Variants in KAZN observed in about 807,000 individuals in gnomAD.
KAZN encodes kazrin.
KAZN carries 40 observed loss-of-function variants against 87.4 expected under a neutral mutation model. That is an observed-to-expected ratio of 0.46 (90% CI 0.36 to 0.60). KAZN has a LOEUF of 0.60. Ranked by LOEUF, KAZN falls within the 20% of genes least tolerant of loss-of-function variation. The pLI, the probability that KAZN is intolerant of heterozygous loss-of-function variation, is 0.00. For missense variants in KAZN, 898 were observed against 1,073.9 expected (o/e 0.84, Z 2.29); for synonymous variants, 466 against 458.3 (o/e 1.02, Z -0.22).
intron 2 of KAZN, among the ~76,000 whole-genome samples, chr1:14,269,013 G>A (rs978274306): frequency 6.6e-6 from 1 of 152,140 alleles, no homozygotes; most frequent in Non-Finnish European, 1.5e-5. Context: ...ATTTGCTACC[G>A]GAGCTAACTC....
intron 2 of KAZN, among the ~76,000 whole-genome samples, chr1:14,301,813 C>T (rs1209278477): frequency 1.3e-5 from 2 of 152,216 alleles, no homozygotes; most frequent in Non-Finnish European, 2.9e-5. Context: ...CCATTCTCAT[C>T]TTCCAGGTCT....
At chr1:14,586,789 C>T (rs565604294) in intron 2 of KAZN, among the ~76,000 whole-genome samples, 2 of 152,214 alleles carry the variant, frequency 1.3e-5, no homozygotes, top group African/African-American at 4.8e-5. Flanking sequence ...ATCCTCGTAC[C>T]TTGGCCTCTC....
intron 1 of KAZN, among the ~76,000 whole-genome samples, chr1:14,770,464 G>A (rs1490490002): frequency 1.3e-5 from 2 of 152,150 alleles, no homozygotes; most frequent in Non-Finnish European, 2.9e-5. Flanking sequence ...CAAGGGGGAT[G>A]GCTGTTTCGA....
intron 1 of KAZN, among the ~76,000 whole-genome samples, chr1:14,857,466 G>T (rs1181746071): frequency 1.3e-5 from 2 of 152,144 alleles, no homozygotes; most frequent in Admixed American, 6.5e-5. Context: ...CCAGGAGGTT[G>T]AGGGTGCAGT....
intron 2 of KAZN, among the ~76,000 whole-genome samples, chr1:14,373,198 AATATATATATAT>A (rs58491688): frequency 0.024 from 3,654 of 149,226 alleles, 150 homozygotes; most frequent in African/African-American, 0.084. Context: ...TGAAAAACTG[AATATATATATAT>A]ATATATATAT....
chr1:14,771,645 G>T (rs1645022167), intron 1 of KAZN, among the ~76,000 whole-genome samples: 1 of 152,052 alleles, frequency 6.6e-6, no homozygotes, highest in Non-Finnish European at 1.5e-5. Flanking sequence ...GACCAACATG[G>T]TGAAACCCCG....
rs1309641027 is a variant in KAZN, at chr1:14,195,680, A to G, written c.249+15088A>G. 2.0e-5 allele frequency among the ~76,000 whole-genome samples: 3 copies of G among 152,176 alleles called. No individual in the cohort carries two copies. The East Asian group carries it at 5.8e-4, about 29-fold the overall frequency. ...CAGGATTTTTAAATAAGTATAATTAATATCCTCGGAGAAATAAGAAAATGT... is the reference window on the plus strand; with the variant it reads ...CAGGATTTTTAAATAAGTATAATTAGTATCCTCGGAGAAATAAGAAAATGT... On this transcript the variant is annotated intron_variant, in intron 2 of 16. Transcript: ENST00000636203.
chr1:14,325,570 CA>C (rs1484175887), intron 2 of KAZN, among the ~76,000 whole-genome samples: 1 of 151,690 alleles, frequency 6.6e-6, no homozygotes, highest in African/African-American at 2.4e-5. Flanking sequence ...AAAGAATATT[CA>C]AAAAAATGGT....
At chr1:14,510,217 A>G (rs1371056640) in intron 2 of KAZN, among the ~76,000 whole-genome samples, 2 of 152,154 alleles carry the variant, frequency 1.3e-5, no homozygotes, top group African/African-American at 4.8e-5. Flanking sequence ...TGTCTCTACT[A>G]AAAATACAAA....
chr1:14,419,881 T>C (rs914988052), intron 2 of KAZN, among the ~76,000 whole-genome samples: 27 of 152,014 alleles, frequency 1.8e-4, no homozygotes, highest in African/African-American at 7.3e-5. Context: ...GCACAGACAG[T>C]GAGACCCCAA....
Position 14,949,622 on chromosome 1 carries a change from G to C in KAZN, c.227-11062G>C, listed in dbSNP as rs955637381. On this transcript the variant is annotated intron_variant, in intron 1 of 14. Coordinates refer to ENST00000376030, the MANE Select transcript of KAZN (RefSeq NM_201628.3). This position sits in a 1 kb window ranked among gnomAD's most constrained non-coding sequence, Gnocchi z 4.3. ...GATTTTTGTAGCCTCTGCCATGAAGGTGTTACCCAAACCTCCGGCAGACCC... is the reference window on the plus strand; with the variant it reads ...GATTTTTGTAGCCTCTGCCATGAAGCTGTTACCCAAACCTCCGGCAGACCC... Among the ~76,000 whole-genome samples the C allele has an allele frequency of 2.0e-5, 3 of 152,216 alleles. No homozygotes were observed. The highest frequency in any genetic ancestry group is 4.4e-5 in the Non-Finnish European group (3 of 68,046).
At chr1:14,163,279 C>T (rs1005358740) in intron 1 of KAZN, among the ~76,000 whole-genome samples, 1 of 152,166 alleles carries the variant, frequency 6.6e-6, no homozygotes, top group East Asian at 1.9e-4. Flanking sequence ...GAGGGCCAAG[C>T]GGGTGACTTG....
At chr1:14,744,374 G>A (rs1644202822) in intron 1 of KAZN, among the ~76,000 whole-genome samples, 1 of 152,140 alleles carries the variant, frequency 6.6e-6, no homozygotes, top group African/African-American at 2.4e-5. Context: ...GAATCACATG[G>A]CTAATCCCTG....
intron 1 of KAZN, among the ~76,000 whole-genome samples, chr1:14,632,831 C>T (rs1679669366): frequency 6.6e-6 from 1 of 152,054 alleles, no homozygotes; most frequent in Non-Finnish European, 1.5e-5. Flanking sequence ...TGGACCGTGG[C>T]GTGACCTGAA....
At chr1:14,313,344 C>T (rs781724542) in intron 2 of KAZN, among the ~76,000 whole-genome samples, 1 of 152,156 alleles carries the variant, frequency 6.6e-6, no homozygotes, top group Non-Finnish European at 1.5e-5. Context: ...CTCACTGGAG[C>T]CTGCCTTCTT....
chr1:14,958,430 G>A (rs1182336692), intron 1 of KAZN, among the ~76,000 whole-genome samples: 1 of 151,944 alleles, frequency 6.6e-6, no homozygotes, highest in African/African-American at 2.4e-5. Context: ...ATGTACACAA[G>A]GCACTTCCTG....
At position 14,776,196 on chromosome 1, in the gene KAZN, G is replaced by T. The variant is rs548987582; in HGVS notation, c.226+176973G>T. On this transcript the variant is annotated intron_variant, in intron 1 of 14. Transcript: ENST00000376030. ...TTTTTGTATTTTTAGTAGAGACAGG[G>T]TTTCACCGTGTTGGCCAGGCTAGTC... Among the ~76,000 whole-genome samples, 36 of 152,236 alleles carry T rather than the reference G, an allele frequency of 2.4e-4. No individual in the cohort carries two copies. In the East Asian group the frequency reaches 6.0e-3, roughly 25 times the overall value.
At chr1:14,141,681 C>T (rs555430043) in intron 1 of KAZN, among the ~76,000 whole-genome samples, 114 of 151,876 alleles carry the variant, frequency 7.5e-4, no homozygotes, top group African/African-American at 2.6e-3. Context: ...CCTGCCTGGA[C>T]GATAAGTAGT....
chr1:14,762,183 T>A (rs1405025984), intron 1 of KAZN, among the ~76,000 whole-genome samples: 1 of 152,148 alleles, frequency 6.6e-6, no homozygotes, highest in African/African-American at 2.4e-5. Flanking sequence ...ACAGCAGACA[T>A]TGCCAGAGGG....
Sources: allele counts gnomAD v4.1 joint callset (sites outside exome capture counted in the v4.1 genomes callset), GRCh38; gene constraint gnomAD v4.1.1; non-coding constraint Gnocchi (gnomAD v3.1); transcripts MANE v1.5; gene names NCBI Gene and HGNC (gene_info 2026-07-23, HGNC 2026-07-21).